CNTN1: variants seen among roughly 807,000 people sequenced by gnomAD.
CNTN1 encodes contactin 1, also known as contactin-1.
A neutral mutation model predicts 126.4 loss-of-function variants in CNTN1; 38 were observed. The ratio of observed to expected loss-of-function variants is 0.30; its 90% CI spans 0.23 to 0.39. The LOEUF (loss-of-function observed/expected upper bound fraction) is 0.39. Among genes scored for constraint, CNTN1 ranks in the 10% least tolerant of loss-of-function variants. CNTN1 has a pLI of 1.00. For synonymous variants in CNTN1, 413 were observed against 422.6 expected (o/e 0.98, Z 0.28); for missense variants, 1,009 against 1,248.4 (o/e 0.81, Z 2.89).
At chr12:40,868,953 T>C (rs1372223205) in intron 1 of CNTN1, among the ~76,000 whole-genome samples, 1 of 152,100 alleles carries the variant, frequency 6.6e-6, no homozygotes, top group Admixed American at 6.6e-5. Context: ...TGAAGTTAGT[T>C]ATTTGCTATT....
At chr12:40,971,709 A>C in intron 15 of CNTN1, 1 of 1,350,898 alleles carries the variant, frequency 7.4e-7, no homozygotes, top group Non-Finnish European at 9.4e-7. Context: ...ATGCTTCACT[A>C]ATACCTTAAA....
intron 1 of CNTN1, among the ~76,000 whole-genome samples, chr12:40,845,860 T>C (rs1942480901): frequency 6.6e-6 from 1 of 152,084 alleles, no homozygotes; most frequent in Non-Finnish European, 1.5e-5. Flanking sequence ...GCCTTTATAA[T>C]AAACCAGTAA....
intron 23 of CNTN1, among the ~76,000 whole-genome samples, chr12:41,044,888 T>C (rs1430605765): frequency 6.6e-6 from 1 of 152,136 alleles, no homozygotes. Context: ...AAAAGTAATG[T>C]GTTTCTCTTA....
intron 1 of CNTN1, among the ~76,000 whole-genome samples, chr12:40,700,418 C>T (rs1186748663): frequency 6.6e-6 from 1 of 151,856 alleles, no homozygotes; most frequent in Non-Finnish European, 1.5e-5. Context: ...CCCAGCTACT[C>T]AGGAGGCTGA....
At chr12:40,882,825 G>C (rs1464015135) in intron 1 of CNTN1, among the ~76,000 whole-genome samples, 1 of 151,404 alleles carries the variant, frequency 6.6e-6, no homozygotes, top group African/African-American at 2.4e-5. Flanking sequence ...GTTTATAATA[G>C]CAAAGACCTT....
chr12:40,757,384 C>T (rs74635913), intron 1 of CNTN1, among the ~76,000 whole-genome samples: 2 of 152,266 alleles, frequency 1.3e-5, no homozygotes, highest in Non-Finnish European at 2.9e-5. Context: ...AAAGCATCCT[C>T]TAGCTCAGAG....
chr12:40,716,184 G>A (rs967988024), intron 1 of CNTN1, among the ~76,000 whole-genome samples: 1 of 151,548 alleles, frequency 6.6e-6, no homozygotes, highest in African/African-American at 2.4e-5. Flanking sequence ...ACTGGCCCCA[G>A]CATCCTTGCA....
intron 1 of CNTN1, among the ~76,000 whole-genome samples, chr12:40,849,738 T>C (rs1942649316): frequency 6.6e-6 from 1 of 152,084 alleles, no homozygotes; most frequent in African/African-American, 2.4e-5. Context: ...TAATAGTGAT[T>C]TGTATTATTA....
At chr12:40,870,720 A>G (rs1238823218) in intron 1 of CNTN1, among the ~76,000 whole-genome samples, 1 of 152,130 alleles carries the variant, frequency 6.6e-6, no homozygotes, top group Non-Finnish European at 1.5e-5. Flanking sequence ...ATTTTTATGC[A>G]GAATAGATGC....
chr12:41,038,000 A>G (rs1949304812), intron 23 of CNTN1, among the ~76,000 whole-genome samples: 1 of 152,096 alleles, frequency 6.6e-6, no homozygotes, highest in African/African-American at 2.4e-5. Flanking sequence ...TCTACTAAAA[A>G]TATGAAAATT....
intron 1 of CNTN1, among the ~76,000 whole-genome samples, chr12:40,759,616 C>T (rs1592056424): frequency 6.6e-6 from 1 of 151,892 alleles, no homozygotes; most frequent in East Asian, 1.9e-4. Context: ...CAGGCACCCA[C>T]CATCATACCT....
chr12:40,933,185 C>T (rs1464584853), intron 7 of CNTN1, among the ~76,000 whole-genome samples: 1 of 151,884 alleles, frequency 6.6e-6, no homozygotes, highest in African/African-American at 2.4e-5. Context: ...TGACACATAT[C>T]TGTTGCTCAC....
intron 1 of CNTN1, among the ~76,000 whole-genome samples, chr12:40,803,402 A>G (rs1940726961): frequency 6.6e-6 from 1 of 151,988 alleles, no homozygotes; most frequent in Admixed American, 6.6e-5. Flanking sequence ...CTTCCACCCA[A>G]GCTTTACCAT....
chr12:40,992,346 A>G (rs1172897764), intron 16 of CNTN1, among the ~76,000 whole-genome samples: 1 of 152,162 alleles, frequency 6.6e-6, no homozygotes, highest in African/African-American at 2.4e-5. Context: ...TCCCTAAATG[A>G]TAAGATATTG....
At chr12:41,046,064 A>G (rs997742414) in intron 23 of CNTN1, among the ~76,000 whole-genome samples, 3 of 152,132 alleles carry the variant, frequency 2.0e-5, no homozygotes, top group Non-Finnish European at 4.4e-5. Flanking sequence ...GAGATGCCTT[A>G]GAATTCTGAT....
At chr12:40,903,554 T>C (rs1420080092) in intron 1 of CNTN1, among the ~76,000 whole-genome samples, 1 of 152,128 alleles carries the variant, frequency 6.6e-6, no homozygotes, top group African/African-American at 2.4e-5. Context: ...CTGCCTTCTC[T>C]ACTGTGCTGC....
chr12:40,836,101 C>T (rs981146765), intron 1 of CNTN1, among the ~76,000 whole-genome samples: 2 of 145,440 alleles, frequency 1.4e-5, no homozygotes, highest in South Asian at 2.1e-4. Flanking sequence ...TATATATATA[C>T]GTACATATAC....
At chr12:40,697,526 A>G (rs1425513914) in intron 1 of CNTN1, among the ~76,000 whole-genome samples, 1 of 152,242 alleles carries the variant, frequency 6.6e-6, no homozygotes, top group African/African-American at 2.4e-5. Context: ...GCTTTCTAAC[A>G]CACAGAAATG....
At chr12:40,762,709 A>G (rs1938912821) in intron 1 of CNTN1, among the ~76,000 whole-genome samples, 2 of 152,196 alleles carry the variant, frequency 1.3e-5, no homozygotes. Context: ...GCTTTGTGCT[A>G]TACTGTGTGC....
Sources: allele counts gnomAD v4.1 joint callset (sites outside exome capture counted in the v4.1 genomes callset), GRCh38; gene constraint gnomAD v4.1.1; transcripts MANE v1.5; gene names NCBI Gene and HGNC (gene_info 2026-07-23, HGNC 2026-07-21).